GRIA4: variants seen among roughly 807,000 people sequenced by gnomAD.
GRIA4 encodes the protein glutamate receptor 4.
Under a neutral mutation model 104.0 loss-of-function variants are expected in GRIA4, and 34 were observed. The observed-to-expected ratio is 0.33, with a 90% CI of 0.25 to 0.44. GRIA4 has a LOEUF of 0.44. Among genes scored for constraint, GRIA4 ranks in the 20% least tolerant of loss-of-function variants. The pLI is 1.00. For missense variants in GRIA4, 750 were observed against 1,096.5 expected, an observed-to-expected ratio of 0.68 and a Z score of 4.46; for synonymous variants, 386 against 381.9, an observed-to-expected ratio of 1.01 and a Z score of -0.13.
intron 7 of GRIA4, among the ~76,000 whole-genome samples, chr11:105,903,568 T>G (rs547384232): frequency 1.3e-5 from 2 of 152,210 alleles, no homozygotes; most frequent in Admixed American, 6.5e-5. Context: ...AACTGTTTTA[T>G]TGGAATTTCT....
Position 105,610,976 on chromosome 11 carries a change from G to C in GRIA4, c.-22G>C. 1 of 1,522,704 alleles carries C rather than the reference G, an allele frequency of 6.6e-7. No individual in the cohort carries two copies. The highest frequency in any genetic ancestry group is 9.1e-7 in the Non-Finnish European group (1 of 1,099,530). 94.3% of individuals were successfully genotyped at this position (1,522,704 alleles called of 1,614,324 possible). A position where few individuals can be genotyped will look rare whatever the true frequency, so the allele number is the denominator to read the frequency against. Reference sequence around the variant, plus strand: ...TGCGAGAGAAAGAGAGAGAGCGCGCGCCAGGGAGAGGAGAAAAGAAGATGA... The same window carrying C: ...TGCGAGAGAAAGAGAGAGAGCGCGCCCCAGGGAGAGGAGAAAAGAAGATGA... On this transcript the variant is annotated 5_prime_UTR_variant, in exon 2 of 17. Coordinates refer to ENST00000282499, the MANE Select transcript of GRIA4 (RefSeq NM_000829.4).
At chr11:105,795,451 G>A (rs148077194) in intron 4 of GRIA4, among the ~76,000 whole-genome samples, 22 of 152,252 alleles carry the variant, frequency 1.4e-4, no homozygotes, top group East Asian at 7.7e-4. Flanking sequence ...TCAAGAAACT[G>A]AAGGAAGTTT....
chr11:105,839,753 A>G (rs1164415247), intron 4 of GRIA4, among the ~76,000 whole-genome samples: 1 of 152,010 alleles, frequency 6.6e-6, no homozygotes, highest in African/African-American at 2.4e-5. Context: ...TACACACCTA[A>G]TTCTAGTTCT....
intron 7 of GRIA4, among the ~76,000 whole-genome samples, chr11:105,902,621 C>T (rs558631992): frequency 1.1e-4 from 17 of 152,282 alleles, no homozygotes; most frequent in African/African-American, 4.1e-4. Flanking sequence ...AGGTGTGAGC[C>T]ACCATGCCCA....
intron 3 of GRIA4, among the ~76,000 whole-genome samples, chr11:105,694,883 T>C (rs1473388028): frequency 6.6e-6 from 1 of 152,176 alleles, no homozygotes. Context: ...TTTTAGGCAA[T>C]ATAGGATTTT....
intron 3 of GRIA4, among the ~76,000 whole-genome samples, chr11:105,728,005 G>A (rs1400188976): frequency 6.6e-6 from 1 of 152,138 alleles, no homozygotes; most frequent in African/African-American, 2.4e-5. Context: ...CATAATGACA[G>A]GATCCAATTC....
At chr11:105,792,026 C>G (rs1362357653) in intron 4 of GRIA4, among the ~76,000 whole-genome samples, 2 of 151,980 alleles carry the variant, frequency 1.3e-5, no homozygotes, top group African/African-American at 4.8e-5. Context: ...CCTTAGGTAG[C>G]TGAATTCTTT....
At chr11:105,841,526 G>A (rs909978732) in intron 4 of GRIA4, among the ~76,000 whole-genome samples, 3 of 151,994 alleles carry the variant, frequency 2.0e-5, no homozygotes, top group African/African-American at 7.3e-5. Context: ...GCGTTTTCTG[G>A]GAAGCTGGGT....
chr11:105,643,606 C>G (rs1445602), intron 3 of GRIA4, among the ~76,000 whole-genome samples: 150,050 of 152,342 alleles, frequency 0.98, 73,937 homozygotes, highest in Middle Eastern at 1. Flanking sequence ...CCTCATGAGA[C>G]TAGTGTTAAG....
chr11:105,750,509 T>C (rs1460723097), intron 3 of GRIA4, among the ~76,000 whole-genome samples: 3 of 151,878 alleles, frequency 2.0e-5, no homozygotes, highest in African/African-American at 4.8e-5. Flanking sequence ...GGAGAATAAA[T>C]AGAAATGTAT....
At chr11:105,683,984 C>T (rs938093431) in intron 3 of GRIA4, among the ~76,000 whole-genome samples, 2 of 152,004 alleles carry the variant, frequency 1.3e-5, no homozygotes, top group Admixed American at 1.3e-4. Context: ...AAGAGATTCT[C>T]CCACCTCAGC....
At chr11:105,922,546 C>T (rs1947593399) in intron 11 of GRIA4, among the ~76,000 whole-genome samples, 1 of 151,998 alleles carries the variant, frequency 6.6e-6, no homozygotes, top group Non-Finnish European at 1.5e-5. Context: ...TATGAATATC[C>T]CTCAAACTTA....
At chr11:105,765,680 GCCT>G (rs1296524458) in intron 4 of GRIA4, among the ~76,000 whole-genome samples, 1 of 152,142 alleles carries the variant, frequency 6.6e-6, no homozygotes, top group Non-Finnish European at 1.5e-5. Context: ...CTGCCCAACA[GCCT>G]TTTTTGTAAA....
chr11:105,721,730 G>A (rs547639971), intron 3 of GRIA4, among the ~76,000 whole-genome samples: 7 of 152,160 alleles, frequency 4.6e-5, no homozygotes, highest in South Asian at 4.1e-4. Flanking sequence ...TCCCTTCTGC[G>A]TGGAACATTC....
At chr11:105,939,660 T>G (rs927733674) in intron 14 of GRIA4, among the ~76,000 whole-genome samples, 3 of 152,202 alleles carry the variant, frequency 2.0e-5, no homozygotes, top group Non-Finnish European at 4.4e-5. Context: ...ATATGTCAGA[T>G]TAATTACTCT....
At chr11:105,724,013 C>T (rs1257856456) in intron 3 of GRIA4, among the ~76,000 whole-genome samples, 1 of 151,986 alleles carries the variant, frequency 6.6e-6, no homozygotes, top group Admixed American at 6.6e-5. Flanking sequence ...CAGAAAATAA[C>T]AGATGTTGGG....
chr11:105,863,477 T>A (rs1945300968), intron 5 of GRIA4, among the ~76,000 whole-genome samples: 1 of 152,078 alleles, frequency 6.6e-6, no homozygotes, highest in Non-Finnish European at 1.5e-5. Flanking sequence ...GGCTTATTCC[T>A]AAGAGAGTCC....
chr11:105,857,281 G>A (rs1486394763), intron 4 of GRIA4, among the ~76,000 whole-genome samples: 4 of 152,110 alleles, frequency 2.6e-5, no homozygotes, highest in Non-Finnish European at 5.9e-5. Flanking sequence ...AGTGGCGTTA[G>A]ACACACACAG....
Position 105,907,004 on chromosome 11 carries a change from A to G in GRIA4, c.1158+1703A>G, listed in dbSNP as rs147270244. ...TTGCAAAATTTGCCATTTAAACAGAATATTTTAAAACGCAAATGACAATTA... is the reference window on the plus strand; with the variant it reads ...TTGCAAAATTTGCCATTTAAACAGAGTATTTTAAAACGCAAATGACAATTA... On this transcript the variant is annotated intron_variant, in intron 9 of 16. Coordinates refer to ENST00000282499, the MANE Select transcript of GRIA4 (RefSeq NM_000829.4). Among the ~76,000 whole-genome samples the G allele has an allele frequency of 7.5e-3, 1,145 of 152,330 alleles. 15 individuals are homozygous for G. Among genetic ancestry groups the G allele is most frequent in the African/African-American group, 0.025 (1,042 of 41,576 alleles).
Sources: allele counts gnomAD v4.1 joint callset (sites outside exome capture counted in the v4.1 genomes callset), GRCh38; gene constraint gnomAD v4.1.1; transcripts MANE v1.5; gene names NCBI Gene and HGNC (gene_info 2026-07-23, HGNC 2026-07-21).